RBFOX1: variants seen among roughly 807,000 people sequenced by gnomAD.
RBFOX1 encodes RNA binding fox-1 homolog 1.
A neutral mutation model predicts 57.7 loss-of-function variants in RBFOX1; 8 were observed. That is an observed-to-expected ratio of 0.14 (90% CI 0.08 to 0.25). RBFOX1 has a LOEUF of 0.25. RBFOX1 is among the 10% of genes least tolerant of loss of function. The pLI is 1.00. For synonymous variants in RBFOX1, 326 were observed against 222.4 expected, an observed-to-expected ratio of 1.47 and a Z score of -4.15; for missense variants, 611 against 548.5, an observed-to-expected ratio of 1.11 and a Z score of -1.14.
intron 3 of RBFOX1, among the ~76,000 whole-genome samples, chr16:6,821,761 C>T (rs534210695): frequency 6.6e-6 from 1 of 152,100 alleles, no homozygotes; most frequent in Non-Finnish European, 1.5e-5. Context: ...AGAAATGAAC[C>T]AATTTTTTCA....
At chr16:5,676,550 G>A (rs1047471553) in intron 3 of RBFOX1, among the ~76,000 whole-genome samples, 1 of 152,166 alleles carries the variant, frequency 6.6e-6, no homozygotes, top group Non-Finnish European at 1.5e-5. Context: ...AGGATTGAAT[G>A]AGATTGTGCC....
intron 3 of RBFOX1, chr16:5,632,527 A>C (rs2048545859): frequency 6.6e-6 from 1 of 152,208 alleles, no homozygotes; most frequent in African/African-American, 2.4e-5. Flanking sequence ...AAGGGCTTTG[A>C]TGTCTTGTAG....
intron 1 of RBFOX1, among the ~76,000 whole-genome samples, chr16:6,160,897 A>T (rs186485898): frequency 5.3e-5 from 8 of 152,244 alleles, no homozygotes; most frequent in Admixed American, 1.3e-4. Context: ...GATTGCCCTC[A>T]TCGCTCTCCG....
At chr16:6,023,928 A>T (rs1228360519) in intron 1 of RBFOX1, among the ~76,000 whole-genome samples, 2 of 152,208 alleles carry the variant, frequency 1.3e-5, no homozygotes, top group African/African-American at 4.8e-5. Context: ...TCAATCAGTG[A>T]TGGAGCTTCA....
Position 5,413,932 on chromosome 16 carries a change from G to A in RBFOX1, c.220-53284G>A, listed in dbSNP as rs115004066. Among the ~76,000 whole-genome samples, 282 of 152,226 alleles carry A rather than the reference G, an allele frequency of 1.9e-3. 1 individual carries two copies. The highest frequency in any genetic ancestry group is 6.3e-3 in the African/African-American group (260 of 41,532). ...TTCCTGAAAGCTCATGACTCTAGGC[G>A]CCTTACGGAATCAAATCCCTTTTGG... On this transcript the variant is annotated intron_variant, in intron 1 of 2. Coordinates refer to the RBFOX1 transcript ENST00000585867.
intron 14 of RBFOX1, among the ~76,000 whole-genome samples, chr16:7,704,973 G>A (rs760070220): frequency 3.9e-4 from 59 of 150,758 alleles, no homozygotes; most frequent in Non-Finnish European, 6.2e-4. Flanking sequence ...GAACCCAGAA[G>A]GCAGAGGTTA....
rs541768907 is a variant in RBFOX1 at position 6,087,695 on chromosome 16, C to G, written c.-127+67703C>G. 6.0e-5 allele frequency among the ~76,000 whole-genome samples: 9 copies of G among 151,246 alleles called. No homozygotes were observed. The South Asian group carries it at 1.5e-3, about 25-fold the overall frequency. On this transcript the variant is annotated intron_variant, in intron 1 of 15. Coordinates refer to ENST00000550418, the MANE Select transcript of RBFOX1 (RefSeq NM_018723.4). ...TTTGAGATGGAGTCTTGCTCTTTCA[C>G]CAGGCTGGGTGCCGTGGCGTGATCT...
chr16:6,141,524 C>G (rs2096715797), intron 1 of RBFOX1, among the ~76,000 whole-genome samples: 2 of 152,136 alleles, frequency 1.3e-5, no homozygotes, highest in South Asian at 4.1e-4. Context: ...ATATACTGCT[C>G]TAAGTTCCAT....
At position 5,375,085 on chromosome 16, in the gene RBFOX1, C is replaced by CAAAA. The variant is rs576765968; in HGVS notation, c.220-92106_220-92103dup. Among the ~76,000 whole-genome samples the CAAAA allele has an allele frequency of 2.1e-3, 78 of 37,100 alleles. 9 individuals carry two copies. The highest frequency in any genetic ancestry group is 9.7e-3 in the African/African-American group (71 of 7,350). 24.3% of individuals were successfully genotyped at this position (37,100 alleles called of 152,430 possible). A position where few individuals can be genotyped will look rare whatever the true frequency, so the allele number is the denominator to read the frequency against. ...GTGGTAGAAACAGATTTTAAATGGC[C>CAAAA]AAAAAAAAAAAAAAAAAAAAAAAAA... is the stretch of plus-strand genomic sequence containing the variant. On this transcript the variant is annotated intron_variant, in intron 1 of 2. Transcript: ENST00000585867.
chr16:5,323,306 C>T (rs917460306), intron 1 of RBFOX1, among the ~76,000 whole-genome samples: 5 of 152,192 alleles, frequency 3.3e-5, no homozygotes, highest in Non-Finnish European at 1.5e-5. Context: ...TTTCCTTTCT[C>T]CTCCCCTTCC....
intron 3 of RBFOX1, among the ~76,000 whole-genome samples, chr16:6,995,882 C>T (rs1223814178): frequency 6.6e-6 from 1 of 152,146 alleles, no homozygotes; most frequent in Non-Finnish European, 1.5e-5. Flanking sequence ...TCTCTGCATC[C>T]TCCTATGTTT....
chr16:7,209,409 G>C (rs2090667495), intron 4 of RBFOX1, among the ~76,000 whole-genome samples: 1 of 152,160 alleles, frequency 6.6e-6, no homozygotes, highest in South Asian at 2.1e-4. Context: ...GCCCACCCTA[G>C]TGACCTCATT....
chr16:7,707,903 C>A (rs963957722), intron 14 of RBFOX1, among the ~76,000 whole-genome samples: 4 of 152,146 alleles, frequency 2.6e-5, no homozygotes, highest in Admixed American at 2.6e-4. Flanking sequence ...GGAATCTATT[C>A]CAGTATCAGC....
intron 2 of RBFOX1, among the ~76,000 whole-genome samples, chr16:6,534,253 G>A (rs771266623): frequency 1.3e-5 from 2 of 151,660 alleles, no homozygotes. Flanking sequence ...GGACATCAGT[G>A]TGTATGTGTG....
At chr16:5,667,965 C>G (rs1420619714) in intron 3 of RBFOX1, among the ~76,000 whole-genome samples, 1 of 152,078 alleles carries the variant, frequency 6.6e-6, no homozygotes, top group East Asian at 1.9e-4. Flanking sequence ...AGCAGTTGCC[C>G]TGGTTGGCTT....
chr16:7,467,910 G>T (rs1368994789), intron 4 of RBFOX1, among the ~76,000 whole-genome samples: 2 of 152,206 alleles, frequency 1.3e-5, no homozygotes. Flanking sequence ...CATTGAACTT[G>T]ACTTGGTATG....
intron 3 of RBFOX1, among the ~76,000 whole-genome samples, chr16:6,896,097 AC>A (rs1306501327): frequency 6.6e-6 from 1 of 152,088 alleles, no homozygotes; most frequent in Non-Finnish European, 1.5e-5. Flanking sequence ...ACATGGTGAA[AC>A]CCCATCTCTA....
rs147234564 is a variant in RBFOX1 at position 6,088,825 on chromosome 16, G to A, written c.-127+68833G>A. On this transcript the variant is annotated intron_variant, in intron 1 of 15. Coordinates refer to ENST00000550418, the MANE Select transcript of RBFOX1 (RefSeq NM_018723.4). Reference sequence around the variant, plus strand: ...AAAGATCTATGATCCGGCCAGGCGCGGTGGCTCATGCCTGTAATCCCAGCA... The same window carrying A: ...AAAGATCTATGATCCGGCCAGGCGCAGTGGCTCATGCCTGTAATCCCAGCA... Among the ~76,000 whole-genome samples, 171 of 152,168 alleles carry A rather than the reference G, an allele frequency of 1.1e-3. 1 individual carries two copies. The highest frequency in any genetic ancestry group is 3.8e-3 in the African/African-American group (156 of 41,522).
At position 5,986,575 on chromosome 16, in the gene RBFOX1, T is replaced by A. The variant is rs540563114; in HGVS notation, c.351+119240T>A. On this transcript the variant is annotated intron_variant, in intron 4 of 19. Transcript: ENST00000641259. ...GCCTCCTGTCACGTGTTACCACTGATTCGTTGTCTGTATCTAAAATGTTGT... is the reference window on the plus strand; with the variant it reads ...GCCTCCTGTCACGTGTTACCACTGAATCGTTGTCTGTATCTAAAATGTTGT... Among the ~76,000 whole-genome samples, 4 of 152,316 alleles carry A rather than the reference T, an allele frequency of 2.6e-5. No homozygotes were observed. The East Asian group carries it at 5.8e-4, about 22-fold the overall frequency.
Sources: gnomAD v4.1 joint callset for allele counts (sites outside exome capture counted in the v4.1 genomes callset) on GRCh38, gnomAD v4.1.1 for gene constraint, MANE v1.5 for transcripts, NCBI Gene and HGNC (gene_info 2026-07-23, HGNC 2026-07-21) for gene names.